Variants in NDRG2 observed in about 807,000 individuals in gnomAD.
NDRG2 encodes the protein protein NDRG2.
Under a neutral mutation model 58.2 loss-of-function variants are expected in NDRG2, and 34 were observed. The ratio of observed to expected loss-of-function variants is 0.58; its 90% CI spans 0.44 to 0.78. The LOEUF (loss-of-function observed/expected upper bound fraction) is 0.78. NDRG2 is among the 30% of genes least tolerant of loss of function. NDRG2 has a pLI of 0.00. For synonymous variants in NDRG2, 187 were observed against 175.9 expected (o/e 1.06, Z -0.50); for missense variants, 434 against 471.2 (o/e 0.92, Z 0.73).
Position 21,024,678 on chromosome 14 carries a change from C to A in NDRG2, c.-655G>T, listed in dbSNP as rs1029883745. 3 of 985,510 alleles carry A rather than the reference C, an allele frequency of 3.0e-6. No individual in the cohort carries two copies. Among genetic ancestry groups the A allele is most frequent in the Non-Finnish European group, 2.4e-6 (2 of 830,006 alleles). 61.0% of individuals were successfully genotyped at this position (985,510 alleles called of 1,614,324 possible). A position where few individuals can be genotyped will look rare whatever the true frequency, so the allele number is the denominator to read the frequency against. ...CTTCTCCCGTTCTCCCCCGACGGCCCGCGAAGGCAAGCGCCATCGGGAAGG... is the reference window on the plus strand; with the variant it reads ...CTTCTCCCGTTCTCCCCCGACGGCCAGCGAAGGCAAGCGCCATCGGGAAGG... On this transcript the variant is annotated 5_prime_UTR_variant, in exon 1 of 16. Coordinates refer to ENST00000556147, the MANE Select transcript of NDRG2 (RefSeq NM_001320329.2).
intron 1 of NDRG2, chr14:21,043,347 T>A: frequency 6.2e-7 from 1 of 1,614,186 alleles, no homozygotes. Flanking sequence ...GCATCCGAAC[T>A]GCAGGTACAA....
intron 1 of NDRG2, among the ~76,000 whole-genome samples, chr14:21,063,954 A>T (rs1190126441): frequency 6.6e-6 from 1 of 152,228 alleles, no homozygotes; most frequent in Non-Finnish European, 1.5e-5. Flanking sequence ...CTGCTTCTTT[A>T]TAACTGCAAC....
At chr14:21,032,819 G>A (rs956141285) in intron 1 of NDRG2, 9 of 402,436 alleles carry the variant, frequency 2.2e-5, no homozygotes, top group South Asian at 9.2e-5. Context: ...AGAGTCAGAT[G>A]TGTGTTATTA....
At chr14:21,034,561 C>T in intron 1 of NDRG2, 1 of 427,984 alleles carries the variant, frequency 2.3e-6, no homozygotes. Flanking sequence ...AGAGCTCTAA[C>T]TGGTCCTTGG....
upstream of NDRG2, among the ~76,000 whole-genome samples, chr14:21,027,566 G>T (rs1291878265): frequency 6.6e-6 from 1 of 152,134 alleles, no homozygotes; most frequent in Non-Finnish European, 1.5e-5. Flanking sequence ...CACATAATAG[G>T]TATAGTATCC....
In NDRG2 at chr14:21,025,054, C is replaced by T; in HGVS notation, c.-1031G>A. On this transcript the variant is annotated 5_prime_UTR_variant, in exon 1 of 16. Transcript: ENST00000556147. This position sits in a 1 kb window ranked among gnomAD's most constrained non-coding sequence, Gnocchi z 5.1. ...CTGCTGCCGCCGCGGCCGCTTCCAC[C>T]TTCACTTGCCTTTGACTCGGGCCCG... The T allele has an allele frequency of 1.0e-6, 1 of 986,112 alleles. No individual in the cohort carries two copies. Among genetic ancestry groups the T allele is most frequent in the Non-Finnish European group, 1.2e-6 (1 of 830,540 alleles). The allele number at this position is 986,112 out of a possible 1,614,324, so 61.1% of individuals were successfully genotyped here. A position where few individuals can be genotyped will look rare whatever the true frequency, so the allele number is the denominator to read the frequency against.
chr14:21,050,022 G>A (rs150327188), intron 1 of NDRG2, among the ~76,000 whole-genome samples: 260 of 152,256 alleles, frequency 1.7e-3, no homozygotes, highest in African/African-American at 5.9e-3. Context: ...TGTTCTGCCT[G>A]CCTTGGCCTC....
chr14:21,029,045 T>A (rs1032017393), upstream of NDRG2: 2 of 152,194 alleles, frequency 1.3e-5, no homozygotes, highest in African/African-American at 4.8e-5. Context: ...TATCTGAAGA[T>A]TTTCAGAATC....
chr14:21,042,049 G>T (rs1450931139), intron 1 of NDRG2, among the ~76,000 whole-genome samples: 1 of 152,192 alleles, frequency 6.6e-6, no homozygotes, highest in Non-Finnish European at 1.5e-5. Flanking sequence ...TATATGAGAG[G>T]ATATGAATGA....
chr14:21,057,618 C>CATACATAT (rs148168525), intron 1 of NDRG2, among the ~76,000 whole-genome samples: 2 of 122,896 alleles, frequency 1.6e-5, no homozygotes, highest in East Asian at 4.6e-4. Context: ...TCATTTTATT[C>CATACATAT]ATATATATAT....
At chr14:21,036,783 C>A (rs904020776) in intron 1 of NDRG2, among the ~76,000 whole-genome samples, 12 of 152,222 alleles carry the variant, frequency 7.9e-5, no homozygotes, top group Non-Finnish European at 1.0e-4. Context: ...CCAGAGGTCC[C>A]ACTTAGAAAG....
chr14:21,031,832 G>T (rs932433582), intron 1 of NDRG2: 3 of 1,551,528 alleles, frequency 1.9e-6, no homozygotes, highest in African/African-American at 2.7e-5. Flanking sequence ...GCCATCTTTG[G>T]GGAAGGGATA....
chr14:21,022,278 A>C (rs1175891630), intron 4 of NDRG2, 96 bp from the exon 5 acceptor site: 2 of 1,596,062 alleles, frequency 1.3e-6, no homozygotes, highest in Non-Finnish European at 8.6e-7. Flanking sequence ...CAGTCAGACC[A>C]GGAGAGAACT....
chr14:21,035,655 G>C (rs944294140), intron 1 of NDRG2: 4 of 414,596 alleles, frequency 9.6e-6, no homozygotes, highest in African/African-American at 8.1e-5. Flanking sequence ...CAGGAGGAGG[G>C]AGTAAGGCCG....
chr14:21,020,293 C>CAAAAA (rs11325826), intron 8 of NDRG2: 42 of 389,728 alleles, frequency 1.1e-4, no homozygotes, highest in South Asian at 2.0e-4. Flanking sequence ...GACACCATCT[C>CAAAAA]AAAAAAAAAA....
At chr14:21,022,247 C>A (rs8008828) in intron 4 of NDRG2, 65 bp from the exon 5 acceptor site, 1 of 1,610,558 alleles carries the variant, frequency 6.2e-7, no homozygotes, top group African/African-American at 1.3e-5. Flanking sequence ...CCAGTCAGAA[C>A]TCACCCTTCC....
chr14:21,033,728 G>A (rs1324603633), intron 1 of NDRG2: 1 of 949,658 alleles, frequency 1.1e-6, no homozygotes, highest in Non-Finnish European at 1.7e-6. Context: ...TGCCTCGTAA[G>A]TCAGGAAGGA....
intron 1 of NDRG2, among the ~76,000 whole-genome samples, chr14:21,038,970 C>CA (rs2139105246): frequency 6.6e-6 from 1 of 152,314 alleles, no homozygotes; most frequent in East Asian, 1.9e-4. Context: ...TCTCAGTCTA[C>CA]AAAAATGAGC....
intron 1 of NDRG2, among the ~76,000 whole-genome samples, chr14:21,039,644 A>T (rs541209760): frequency 6.6e-6 from 1 of 152,360 alleles, no homozygotes; most frequent in East Asian, 1.9e-4. Flanking sequence ...GGGCACACAA[A>T]CAAAATCACC....
Sources: allele counts gnomAD v4.1 joint callset (sites outside exome capture counted in the v4.1 genomes callset), GRCh38; gene constraint gnomAD v4.1.1; non-coding constraint Gnocchi (gnomAD v3.1); transcripts MANE v1.5; gene names NCBI Gene and HGNC (gene_info 2026-07-23, HGNC 2026-07-21).